The following ERCC6L variants were observed in gnomAD, a reference collection of about 807,000 sequenced individuals.
The protein encoded by ERCC6L is DNA excision repair protein ERCC-6-like.
ERCC6L carries 7 observed loss-of-function variants against 20.1 expected under a neutral mutation model. That is an observed-to-expected ratio of 0.35 (90% CI 0.20 to 0.65). ERCC6L has a LOEUF of 0.65. Ranked by LOEUF, ERCC6L falls within the 30% of genes least tolerant of loss-of-function variation. The pLI, the probability that ERCC6L is intolerant of heterozygous loss-of-function variation, is 0.69. For missense variants in ERCC6L, 592 were observed against 892.4 expected (o/e 0.66, Z 4.29); for synonymous variants, 278 against 331.3 (o/e 0.84, Z 1.75).
chrX:72,231,949 C>T (rs1368746024), intron 1 of ERCC6L, among the ~76,000 whole-genome samples: 1 of 110,605 alleles, frequency 9.0e-6, no homozygotes, highest in African/African-American at 3.3e-5. Context: ...TGCAATGGCT[C>T]ATGCCTGTAA....
At chrX:72,227,601 C>T (rs143090117) in intron 1 of ERCC6L, among the ~76,000 whole-genome samples, 146 of 111,260 alleles carry the variant, frequency 1.3e-3, no homozygotes, top group African/African-American at 3.7e-3. Context: ...GTATATTATC[C>T]GCCATTTCAT....
intron 1 of ERCC6L, among the ~76,000 whole-genome samples, chrX:72,213,908 A>AG (rs1370217171): frequency 8.9e-6 from 1 of 112,003 alleles, no homozygotes; most frequent in Admixed American, 9.5e-5. Flanking sequence ...CTGAGAACAA[A>AG]GACCTGTCCG....
chrX:72,209,398 A>G (rs2042839666), intron 1 of ERCC6L, among the ~76,000 whole-genome samples: 1 of 111,722 alleles, frequency 9.0e-6, no homozygotes, highest in Non-Finnish European at 1.9e-5. Context: ...ATCCCAAACT[A>G]GACTCATTAT....
At chrX:72,216,787 G>A (rs931894568) in intron 1 of ERCC6L, among the ~76,000 whole-genome samples, 2 of 109,843 alleles carry the variant, frequency 1.8e-5, no homozygotes, top group Non-Finnish European at 3.8e-5. Flanking sequence ...TTTGTGTTTG[G>A]CAAGGTTAAC....
chrX:72,218,165 G>T (rs957436730), intron 1 of ERCC6L, among the ~76,000 whole-genome samples: 2 of 108,672 alleles, frequency 1.8e-5, no homozygotes, highest in African/African-American at 6.7e-5. Context: ...AGCTACTCAG[G>T]AGGCTGAGGC....
Position 72,238,988 on chromosome X carries a change from A to G in ERCC6L, c.-77T>C. ...TTGGAGCTTGGAGCTTGGAGCTTAG[A>G]GTTTGGAGCTTGAATTTCGCTCACT... On this transcript the variant is annotated 5_prime_UTR_variant, in exon 1 of 2. Coordinates refer to ENST00000334463, the MANE Select transcript of ERCC6L (RefSeq NM_017669.4). The G allele has an allele frequency of 1.0e-6, 1 of 995,460 alleles. No homozygotes were observed. The highest frequency in any genetic ancestry group is 1.4e-6 in the Non-Finnish European group (1 of 719,958). 82.0% of individuals were successfully genotyped at this position (995,460 alleles called of 1,213,427 possible).
rs374124933 is a variant in ERCC6L, at chrX:72,207,989, T to C, written c.778A>G (p.Ile260Val). 1.7e-6 allele frequency: 2 copies of C among 1,209,119 alleles called. No homozygotes were observed. Among genetic ancestry groups the C allele is most frequent in the East Asian group, 3.0e-5 (1 of 33,769 alleles). Residue 260 changes from isoleucine (I) to valine (V), a missense_variant, in exon 2 of 2, where the codon ATC (isoleucine) becomes GTC (valine). Ile to Val is a conservative substitution (Grantham distance 29). This residue lies in a region of ERCC6L where 196 missense variants were observed against 440.1 expected (regional missense o/e 0.45). Transcript: ENST00000334463. ...SNRLLLTGTP[I>V]QNNLQELWSL... is the part of the protein sequence containing the mutation. The stretch of plus-strand genomic sequence containing the variant: ...CATAGTTCTTGTAAATTATTCTGGA[T>C]TGGGGTTCCTGTGAGGAGGAGGCGA...
At chrX:72,215,452 G>C (rs761328399) in intron 1 of ERCC6L, among the ~76,000 whole-genome samples, 1 of 111,948 alleles carries the variant, frequency 8.9e-6, no homozygotes, top group South Asian at 3.7e-4. Flanking sequence ...TGTTTAGGGG[G>C]AAGTACCCTG....
chrX:72,235,584 G>A (rs2043012976), intron 1 of ERCC6L, among the ~76,000 whole-genome samples: 1 of 109,514 alleles, frequency 9.1e-6, no homozygotes, highest in Admixed American at 9.7e-5. Flanking sequence ...TTGTAGAAAC[G>A]GTTTCATCAC....
At chrX:72,216,746 C>A (rs1569490788) in intron 1 of ERCC6L, among the ~76,000 whole-genome samples, 1 of 110,724 alleles carries the variant, frequency 9.0e-6, no homozygotes. Context: ...AAGGTCTATA[C>A]CCATTGTAAA....
intron 1 of ERCC6L, among the ~76,000 whole-genome samples, chrX:72,232,882 C>T (rs938541693): frequency 7.2e-5 from 8 of 110,489 alleles, no homozygotes; most frequent in African/African-American, 2.0e-4. Flanking sequence ...GCAGGTGGAT[C>T]GCTTGAGACT....
Position 72,238,943 on chromosome X carries a change from G to GGGAGTTTGGAGCTT in ERCC6L, c.-46_-33dup, listed in dbSNP as rs1556405332. 53 of 1,123,443 alleles carry GGGAGTTTGGAGCTT rather than the reference G, an allele frequency of 4.7e-5. No homozygotes were observed. The highest frequency in any genetic ancestry group is 2.0e-4 in the African/African-American group (11 of 54,166). The allele number at this position is 1,123,443 out of a possible 1,213,427, so 92.6% of individuals were successfully genotyped here. A position where few individuals can be genotyped will look rare whatever the true frequency, so the allele number is the denominator to read the frequency against. On this transcript the variant is annotated 5_prime_UTR_variant, in exon 1 of 2. Transcript: ENST00000334463. Reference sequence around the variant, plus strand: ...CGGATTGGGTTCCAGTTACCCCGGCGGGAGTTTGGAGCTTGGAGCTTGGAG... The same window carrying GGGAGTTTGGAGCTT: ...CGGATTGGGTTCCAGTTACCCCGGCGGGAGTTTGGAGCTTGGAGTTTGGAGCTTGGAGCTTGGAG...
chrX:72,230,883 T>G (rs1273880740), intron 1 of ERCC6L, among the ~76,000 whole-genome samples: 1 of 111,960 alleles, frequency 8.9e-6, no homozygotes, highest in Non-Finnish European at 1.9e-5. Flanking sequence ...GAGGACTGCT[T>G]GAGCTCAGGA....
Position 72,238,870 on chromosome X carries a change from G to T in ERCC6L, c.42C>A (p.Ser14Arg). 1 of 1,196,707 alleles carries T rather than the reference G, an allele frequency of 8.4e-7. No individual in the cohort carries two copies. The highest frequency in any genetic ancestry group is 3.0e-5 in the East Asian group (1 of 32,817). The change falls in exon 1 of 2, where the codon AGC becomes AGA. Residue 14 changes from serine to arginine, a missense_variant. Around this residue, in one of 3 missense-constraint regions of ERCC6L, gnomAD observed 44 missense variants for 49.8 expected, o/e 0.88. Transcript: ENST00000334463. Reference sequence around the variant, plus strand: ...TTAGGTAATGAGCAGCCTGCTCTGGGCTCAAGGCCTCGGCTTCCGGAAACC... The same window carrying T: ...TTAGGTAATGAGCAGCCTGCTCTGGTCTCAAGGCCTCGGCTTCCGGAAACC... ...SRRFPEAEAL[S>R]PEQAAHYLRY...
Position 72,205,021 on chromosome X carries a change from TTATTAAG to T in ERCC6L, c.3739_3745del (p.Leu1247ThrfsTer24). ...AATAAACAGGTTACATTCTCAATTGTTATTAAGTTGCTTATACAAACTTAAAGTCAAG... is the reference window on the plus strand; with the variant it reads ...AATAAACAGGTTACATTCTCAATTGTTTGCTTATACAAACTTAAAGTCAAG... On this transcript the variant is annotated frameshift_variant, in exon 2 of 2. Transcript: ENST00000334463. LOFTEE classifies it high-confidence loss of function. 8.4e-7 allele frequency: 1 copy of T among 1,187,554 alleles called. No individual in the cohort carries two copies. Among genetic ancestry groups the T allele is most frequent in the Non-Finnish European group, 1.1e-6 (1 of 882,167 alleles).
At chrX:72,224,419 C>T (rs2042942819) in intron 1 of ERCC6L, among the ~76,000 whole-genome samples, 1 of 110,818 alleles carries the variant, frequency 9.0e-6, no homozygotes. Flanking sequence ...ATTATTATGT[C>T]AAGAAAAAAA....
At chrX:72,209,513 T>C (rs2042840425) in intron 1 of ERCC6L, among the ~76,000 whole-genome samples, 1 of 111,992 alleles carries the variant, frequency 8.9e-6, no homozygotes, top group Admixed American at 9.4e-5. Context: ...GACCCCAACC[T>C]AAATAGGAGT....
In ERCC6L at chrX:72,232,577, G is replaced by A. The variant is rs1427873564; in HGVS notation, c.68+6267C>T. 1.9e-4 allele frequency among the ~76,000 whole-genome samples: 21 copies of A among 112,392 alleles called. No individual in the cohort carries two copies. In the Admixed American group the frequency reaches 2.0e-3, roughly 11 times the overall value. On this transcript the variant is annotated intron_variant, in intron 1 of 1. Transcript: ENST00000334463. ...TAATCCCAGCACTTGGGGAGGCCAA[G>A]GCAGGCAGATCACCTGAAGTCAAGA...
chrX:72,205,580 T>C lies in ERCC6L; in HGVS notation c.3187A>G (p.Thr1063Ala), dbSNP rs1187969714. ...FSSVKQFDAS[T>A]PKNDISPPGR... is the part of the protein sequence containing the mutation. ...GGTGGACTGATGTCATTTTTGGGAGTTGAAGCATCAAATTGTTTCACAGAT... is the reference window on the plus strand; with the variant it reads ...GGTGGACTGATGTCATTTTTGGGAGCTGAAGCATCAAATTGTTTCACAGAT... Residue 1063 changes from threonine to alanine, a missense_variant, in exon 2 of 2, where the codon ACT becomes GCT. By Grantham distance (58) the Thr-to-Ala change is moderately conservative (BLOSUM62 0). This residue lies in a region of ERCC6L where 352 missense variants were observed against 402.6 expected (regional missense o/e 0.87). Transcript: ENST00000334463. 3.3e-6 allele frequency: 4 copies of C among 1,209,571 alleles called. No homozygotes were observed. The highest frequency in any genetic ancestry group is 4.5e-6 in the Non-Finnish European group (4 of 894,645).
Sources: allele counts gnomAD v4.1 joint callset (sites outside exome capture counted in the v4.1 genomes callset), GRCh38; gene constraint gnomAD v4.1.1; regional missense constraint gnomAD v4.1.1; transcripts MANE v1.5; gene names NCBI Gene and HGNC (gene_info 2026-07-23, HGNC 2026-07-21).